POU2F3: variants seen among roughly 807,000 people sequenced by gnomAD.
The protein encoded by POU2F3 is POU domain, class 2, transcription factor 3.
A neutral mutation model predicts 59.2 loss-of-function variants in POU2F3; 23 were observed. The ratio of observed to expected loss-of-function variants is 0.39; its 90% CI spans 0.28 to 0.55. The LOEUF is 0.55. POU2F3 is among the 20% of genes least tolerant of loss of function. The pLI, the probability that POU2F3 is intolerant of heterozygous loss-of-function variation, is 0.66. For synonymous variants in POU2F3, 190 were observed against 214.6 expected, an observed-to-expected ratio of 0.89 and a Z score of 1.00; for missense variants, 473 against 544.5, an observed-to-expected ratio of 0.87 and a Z score of 1.31.
chr11:120,305,276 G>A (rs1326127445), intron 7 of POU2F3, 64 bp downstream of exon 7: 1 of 1,564,710 alleles, frequency 6.4e-7, no homozygotes, highest in Non-Finnish European at 8.7e-7. Flanking sequence ...GGCTTCCCAA[G>A]TGCAGGTTTC....
At chr11:120,306,388 A>C (rs1438180314) in intron 8 of POU2F3, among the ~76,000 whole-genome samples, 1 of 152,150 alleles carries the variant, frequency 6.6e-6, no homozygotes, top group Non-Finnish European at 1.5e-5. Flanking sequence ...CACATTTGGC[A>C]GCAGGGACTA....
intron 2 of POU2F3, among the ~76,000 whole-genome samples, chr11:120,266,095 A>G (rs903326477): frequency 6.6e-6 from 1 of 152,152 alleles, no homozygotes; most frequent in Non-Finnish European, 1.5e-5. Flanking sequence ...CTTCTGGGAT[A>G]TCTAATTGGC....
chr11:120,288,007 C>T (rs912470708), intron 3 of POU2F3, among the ~76,000 whole-genome samples: 2 of 146,488 alleles, frequency 1.4e-5, no homozygotes, highest in Non-Finnish European at 3.0e-5. Flanking sequence ...TTGCTAGAAG[C>T]AAGCATACCA....
At chr11:120,264,190 T>TACAC (rs35186745) in intron 2 of POU2F3, among the ~76,000 whole-genome samples, 15,604 of 132,956 alleles carry the variant, frequency 0.12, 969 homozygotes, top group African/African-American at 0.12. Flanking sequence ...TAAGACCTCA[T>TACAC]ACACACACAC....
At chr11:120,305,513 G>A in intron 7 of POU2F3, 131 bp from the exon 8 acceptor site, 1 of 1,357,984 alleles carries the variant, frequency 7.4e-7, no homozygotes, top group Non-Finnish European at 1.0e-6. Context: ...GACTTGGAAA[G>A]GAGCCGAGCA....
chr11:120,261,314 C>T (rs924440584), intron 2 of POU2F3: 2 of 152,176 alleles, frequency 1.3e-5, no homozygotes, highest in African/African-American at 4.8e-5. Context: ...GGCTCAGTTT[C>T]CTCACCTGTA....
At chr11:120,241,442 A>C (rs890332107) in intron 1 of POU2F3, among the ~76,000 whole-genome samples, 1 of 152,182 alleles carries the variant, frequency 6.6e-6, no homozygotes, top group Admixed American at 6.5e-5. Context: ...TGGAGTGCCC[A>C]GTTCCCCAGA....
intron 3 of POU2F3, among the ~76,000 whole-genome samples, chr11:120,293,719 A>G (rs570293533): frequency 1.8e-4 from 28 of 152,218 alleles, no homozygotes; most frequent in Admixed American, 3.9e-4. Context: ...TGAAAATGTC[A>G]TGGGGAGGGG....
chr11:120,300,621 G>A (rs532274149), intron 5 of POU2F3, among the ~76,000 whole-genome samples: 47 of 152,182 alleles, frequency 3.1e-4, no homozygotes, highest in African/African-American at 1.0e-3. Flanking sequence ...AAAATTTGCC[G>A]GGTGTGGTGG....
chr11:120,287,396 C>A lies in POU2F3; in HGVS notation c.133-10869C>A, dbSNP rs145740785. On this transcript the variant is annotated intron_variant, in intron 3 of 12. Coordinates refer to ENST00000543440, the MANE Select transcript of POU2F3 (RefSeq NM_014352.4). The stretch of plus-strand genomic sequence containing the variant: ...ACTGTGCTGGGCAGGCCATAGTAAG[C>A]AAGATAGGTCTGTCAGGTATTAAGT... Among the ~76,000 whole-genome samples the A allele has an allele frequency of 1.9e-3, 293 of 152,302 alleles. 1 individual carries two copies. The highest frequency in any genetic ancestry group is 6.8e-3 in the African/African-American group (281 of 41,576).
intron 8 of POU2F3, among the ~76,000 whole-genome samples, chr11:120,306,436 A>C (rs1941491171): frequency 6.6e-6 from 1 of 152,094 alleles, no homozygotes; most frequent in Non-Finnish European, 1.5e-5. Flanking sequence ...GGCACTATAG[A>C]CATCCTGGGC....
chr11:120,253,267 T>TA (rs1454389490), intron 2 of POU2F3, among the ~76,000 whole-genome samples: 1 of 151,654 alleles, frequency 6.6e-6, no homozygotes. Context: ...TTTTAATTTT[T>TA]TTTTTTTTTT....
intron 2 of POU2F3, chr11:120,257,089 C>T (rs553907158): frequency 6.6e-6 from 1 of 152,134 alleles, no homozygotes; most frequent in Admixed American, 6.5e-5. Flanking sequence ...AAGCTTGGTG[C>T]GTAGTAAATG....
At chr11:120,239,058 G>A (rs112332743), upstream of POU2F3, among the ~76,000 whole-genome samples, 8,240 of 152,190 alleles carry the variant, frequency 0.054, 728 homozygotes, top group African/African-American at 0.18. Flanking sequence ...TGGAGTGCAC[G>A]GTGGGATGGG....
chr11:120,242,300 G>C (rs1938698546), intron 1 of POU2F3, among the ~76,000 whole-genome samples: 1 of 152,132 alleles, frequency 6.6e-6, no homozygotes, highest in South Asian at 2.1e-4. Flanking sequence ...GGGTCCTCCT[G>C]GTGGCCTTTA....
intron 1 of POU2F3, among the ~76,000 whole-genome samples, chr11:120,242,615 G>A (rs1938712036): frequency 6.6e-6 from 1 of 152,162 alleles, no homozygotes; most frequent in African/African-American, 2.4e-5. Flanking sequence ...GGAGGAACAG[G>A]AGCACACAAA....
chr11:120,307,459 G>T lies in POU2F3; in HGVS notation c.770-20G>T, dbSNP rs755833503. The T allele has an allele frequency of 6.8e-6, 11 of 1,613,152 alleles. No individual in the cohort carries two copies. In the Admixed American group the frequency reaches 1.8e-4, roughly 27 times the overall value. Reference sequence around the variant, plus strand: ...TCATCCCCTTCTCTGAGCTTCCTCTGGTCCTTCGTGTCCCTGCAGAGTCCT... The same window carrying T: ...TCATCCCCTTCTCTGAGCTTCCTCTTGTCCTTCGTGTCCCTGCAGAGTCCT... On this transcript the variant is annotated intron_variant, in intron 8 of 12. Coordinates refer to ENST00000543440, the MANE Select transcript of POU2F3 (RefSeq NM_014352.4).
chr11:120,275,870 T>C lies in POU2F3; in HGVS notation c.132+6626T>C, dbSNP rs1209279424. ...GTGTAGCATTTAGTTTTAAACCAAC[T>C]GGGATTTTCCATCATTGTTTTGTTG... On this transcript the variant is annotated intron_variant, in intron 3 of 12. Transcript: ENST00000543440. 3.9e-5 allele frequency among the ~76,000 whole-genome samples: 6 copies of C among 152,232 alleles called. No homozygotes were observed. The East Asian group carries it at 1.2e-3, about 29-fold the overall frequency.
intron 10 of POU2F3, among the ~76,000 whole-genome samples, chr11:120,311,560 T>G (rs774254879): frequency 6.6e-6 from 1 of 152,102 alleles, no homozygotes; most frequent in Non-Finnish European, 1.5e-5. Flanking sequence ...GGTATTGCCA[T>G]TTACAGAACA....
Sources: gnomAD v4.1 joint callset for allele counts (sites outside exome capture counted in the v4.1 genomes callset) on GRCh38, gnomAD v4.1.1 for gene constraint, MANE v1.5 for transcripts, NCBI Gene and HGNC (gene_info 2026-07-23, HGNC 2026-07-21) for gene names.